PTPRM: variants seen among roughly 807,000 people sequenced by gnomAD.
PTPRM encodes the protein protein tyrosine phosphatase receptor type M, also known as receptor-type tyrosine-protein phosphatase mu.
A neutral mutation model predicts 186.7 loss-of-function variants in PTPRM; 47 were observed. The ratio of observed to expected loss-of-function variants is 0.25; its 90% confidence interval spans 0.20 to 0.32. The LOEUF (loss-of-function observed/expected upper bound fraction) is 0.32. PTPRM is among the 10% of genes least tolerant of loss of function. The probability of loss-of-function intolerance (pLI) is 1.00; values close to 1 mark genes in which losing one functional copy is unlikely to be tolerated. For missense variants in PTPRM, 1,494 were observed against 1,865.0 expected (o/e 0.80, Z 3.66); for synonymous variants, 668 against 674.9 (o/e 0.99, Z 0.16).
intron 8 of PTPRM, among the ~76,000 whole-genome samples, chr18:8,071,629 C>T (rs1008633222): frequency 3.3e-5 from 5 of 152,212 alleles, no homozygotes; most frequent in Non-Finnish European, 7.3e-5. Flanking sequence ...GCATCTTGTT[C>T]TGCAAAGCCA....
At chr18:8,086,820 GCAATTATAA>G (rs2090457523) in intron 10 of PTPRM, among the ~76,000 whole-genome samples, 1 of 152,086 alleles carries the variant, frequency 6.6e-6, no homozygotes, top group Non-Finnish European at 1.5e-5. Context: ...TTCTTTTTAA[GCAATTATAA>G]CAAGGGATAA....
intron 2 of PTPRM, among the ~76,000 whole-genome samples, chr18:7,883,930 T>C (rs2048633598): frequency 6.6e-6 from 1 of 152,100 alleles, no homozygotes; most frequent in Non-Finnish European, 1.5e-5. Context: ...TGCTTTAATC[T>C]TGGAGTTAGA....
chr18:8,350,116 C>T lies in PTPRM; in HGVS notation c.3054+6596C>T, dbSNP rs2095526697. Among the ~76,000 whole-genome samples, 5 of 152,168 alleles carry T rather than the reference C, an allele frequency of 3.3e-5. No homozygotes were observed. In the South Asian group the frequency reaches 8.3e-4, roughly 25 times the overall value. ...CAGCTCTGAGTCACAACCCAGACCACTGCAACTCTGACTGGCCAGAGGACC... is the reference window on the plus strand; with the variant it reads ...CAGCTCTGAGTCACAACCCAGACCATTGCAACTCTGACTGGCCAGAGGACC... On this transcript the variant is annotated intron_variant, in intron 23 of 32. Transcript: ENST00000580170.
At chr18:7,695,931 C>T (rs1041475864) in intron 1 of PTPRM, among the ~76,000 whole-genome samples, 1 of 152,086 alleles carries the variant, frequency 6.6e-6, no homozygotes, top group African/African-American at 2.4e-5. Context: ...TTTATTCTTT[C>T]GAAAGTTCGT....
At chr18:8,290,604 A>G (rs141174883) in intron 19 of PTPRM, among the ~76,000 whole-genome samples, 41 of 152,248 alleles carry the variant, frequency 2.7e-4, no homozygotes, top group African/African-American at 7.5e-4. Flanking sequence ...AGGATGTTCA[A>G]TTTCCTTCTG....
intron 2 of PTPRM, among the ~76,000 whole-genome samples, chr18:7,783,668 C>A (rs1555677467): frequency 6.6e-6 from 1 of 151,862 alleles, no homozygotes; most frequent in Non-Finnish European, 1.5e-5. Context: ...AACTTGTGGG[C>A]TCAAGGGATC....
intron 2 of PTPRM, among the ~76,000 whole-genome samples, chr18:7,783,789 T>TAG (rs2042973119): frequency 3.3e-5 from 5 of 151,540 alleles, no homozygotes; most frequent in Non-Finnish European, 7.4e-5. Flanking sequence ...TGTGTGTGTG[T>TAG]AGAGACAGGG....
At chr18:8,359,687 G>A (rs556912727) in intron 23 of PTPRM, among the ~76,000 whole-genome samples, 46 of 152,222 alleles carry the variant, frequency 3.0e-4, no homozygotes, top group Non-Finnish European at 5.7e-4. Flanking sequence ...ACCTGGGACC[G>A]ATGCATCACA....
rs895039203 is a variant in PTPRM at position 8,379,089 on chromosome 18, C to T, written c.3613-78C>T. ...CTTGCAGTCAGCCACAGGAAGTTTG[C>T]ATCTTTCGAAAACTGCACGTGAGAG... On this transcript the variant is annotated intron_variant, in intron 27 of 32. Transcript: ENST00000580170. The T allele has an allele frequency of 3.7e-4, 466 of 1,261,112 alleles. 15 individuals carry two copies. The Admixed American group carries it at 0.011, about 31-fold the overall frequency. 78.1% of individuals were successfully genotyped at this position (1,261,112 alleles called of 1,614,324 possible). A position where few individuals can be genotyped will look rare whatever the true frequency, so the allele number is the denominator to read the frequency against.
chr18:7,850,881 A>G (rs569047249), intron 2 of PTPRM, among the ~76,000 whole-genome samples: 5 of 152,242 alleles, frequency 3.3e-5, no homozygotes, highest in Admixed American at 6.5e-5. Flanking sequence ...CAGTAGCACA[A>G]AAAGTATACA....
intron 4 of PTPRM, among the ~76,000 whole-genome samples, chr18:7,909,784 C>A (rs1450942852): frequency 7.2e-6 from 1 of 139,282 alleles, no homozygotes; most frequent in Non-Finnish European, 1.6e-5. Flanking sequence ...ATTAGATATT[C>A]TGATACAAGT....
Position 7,888,314 on chromosome 18 carries a change from C to T in PTPRM, c.405C>T (p.Asp135=). 4 of 1,614,184 alleles carry T rather than the reference C, an allele frequency of 2.5e-6. No homozygotes were observed. The highest frequency in any genetic ancestry group is 2.2e-5 in the East Asian group (1 of 44,886). Residue 135 remains aspartate (D), a synonymous_variant, in exon 3 of 33, where the codon GAC becomes GAT. Transcript: ENST00000580170. ...ATCCTATCTGGAATATATCTGGAGACCCAACACGTACATGGAACAGGGCAG... is the reference window on the plus strand; with the variant it reads ...ATCCTATCTGGAATATATCTGGAGATCCAACACGTACATGGAACAGGGCAG... The part of the protein sequence containing the change: ...LGNPIWNISG[D]PTRTWNRAEL...
chr18:8,027,714 A>T (rs1330640719), intron 7 of PTPRM, among the ~76,000 whole-genome samples: 1 of 152,236 alleles, frequency 6.6e-6, no homozygotes, highest in African/African-American at 2.4e-5. Context: ...TTAGTATCAA[A>T]GATTAGATAA....
chr18:8,387,322 A>G, intron 31 of PTPRM, 87 bp downstream of exon 31: 2 of 1,342,122 alleles, frequency 1.5e-6, no homozygotes, highest in East Asian at 2.5e-5. Context: ...TTGTTTCACT[A>G]GAAATGGAGA....
At chr18:7,807,404 A>C (rs1249386503) in intron 2 of PTPRM, among the ~76,000 whole-genome samples, 1 of 152,182 alleles carries the variant, frequency 6.6e-6, no homozygotes, top group Admixed American at 6.5e-5. Context: ...TGGTTGCTTT[A>C]AATTAAAAAC....
chr18:8,296,951 T>G (rs986362749), intron 20 of PTPRM, among the ~76,000 whole-genome samples: 3 of 152,172 alleles, frequency 2.0e-5, no homozygotes, highest in Non-Finnish European at 4.4e-5. Flanking sequence ...ACAACACTCA[T>G]TAGCAAAAGA....
intron 20 of PTPRM, among the ~76,000 whole-genome samples, chr18:8,297,120 G>T (rs771842345): frequency 1.2e-4 from 19 of 152,088 alleles, no homozygotes; most frequent in Non-Finnish European, 2.2e-4. Context: ...CCCAGGGCCC[G>T]CACTATCCAT....
chr18:8,398,865 A>G (rs2095857675), intron 32 of PTPRM, among the ~76,000 whole-genome samples: 1 of 151,742 alleles, frequency 6.6e-6, no homozygotes, highest in African/African-American at 2.4e-5. Flanking sequence ...AATCCATGAG[A>G]CAGAAAGTAG....
intron 10 of PTPRM, 142 bp downstream of exon 10, chr18:8,086,014 C>T: frequency 2.6e-6 from 2 of 767,268 alleles, no homozygotes; most frequent in Middle Eastern, 2.4e-4. Flanking sequence ...CTCAGACTCA[C>T]AGCTTTAAAT....
Sources: allele counts gnomAD v4.1 joint callset (sites outside exome capture counted in the v4.1 genomes callset), GRCh38; gene constraint gnomAD v4.1.1; transcripts MANE v1.5; gene names NCBI Gene and HGNC (gene_info 2026-07-23, HGNC 2026-07-21).